SUFU: variants seen among roughly 807,000 people sequenced by gnomAD.
SUFU encodes suppressor of fused homolog.
Under a neutral mutation model 58.9 loss-of-function variants are expected in SUFU, and 7 were observed. That is an observed-to-expected ratio of 0.12 (90% CI 0.07 to 0.22). The LOEUF (loss-of-function observed/expected upper bound fraction) is 0.22, where lower values mean the gene tolerates loss of function less well. SUFU is among the 10% of genes least tolerant of loss of function. The probability of loss-of-function intolerance (pLI) is 1.00; values close to 1 mark genes in which losing one functional copy is unlikely to be tolerated. For missense variants in SUFU, 451 were observed against 641.3 expected, an observed-to-expected ratio of 0.70 and a Z score of 3.20; for synonymous variants, 232 against 254.8, an observed-to-expected ratio of 0.91 and a Z score of 0.85.
intron 2 of SUFU, among the ~76,000 whole-genome samples, chr10:102,513,169 C>A (rs1444063761): frequency 6.6e-6 from 1 of 152,102 alleles, no homozygotes; most frequent in Non-Finnish European, 1.5e-5. Context: ...TGTTAAGTTT[C>A]TTGAAGAAAA....
intron 2 of SUFU, among the ~76,000 whole-genome samples, chr10:102,529,857 A>G (rs1338221311): frequency 6.6e-6 from 1 of 151,166 alleles, no homozygotes; most frequent in Admixed American, 6.6e-5. Flanking sequence ...AGGCAGGAGA[A>G]TCGCTTGAAC....
At chr10:102,575,153 A>G (rs2063201121) in intron 3 of SUFU, among the ~76,000 whole-genome samples, 1 of 151,952 alleles carries the variant, frequency 6.6e-6, no homozygotes, top group African/African-American at 2.4e-5. Context: ...GGTTAAGGCT[A>G]CAGTGAGCCA....
rs1426839991 is a variant in SUFU at position 102,504,194 on chromosome 10, GCCCCCGGCCCCTGGCCCGACTGCC to G, written c.52_75del (p.Pro18_Ala25del). The G allele has an allele frequency of 2.2e-6, 3 of 1,337,762 alleles. No homozygotes were observed. In the African/African-American group the frequency reaches 4.5e-5, roughly 20 times the overall value. The allele number at this position is 1,337,762 out of a possible 1,614,324, so 82.9% of individuals were successfully genotyped here. A position where few individuals can be genotyped will look rare whatever the true frequency, so the allele number is the denominator to read the frequency against. ...CTAGCGGCGCCCCCGGCCCCACCGCGCCCCCGGCCCCTGGCCCGACTGCCCCCCCGGCCTTCGCTTCGCTCTTTC... is the reference window on the plus strand; with the variant it reads ...CTAGCGGCGCCCCCGGCCCCACCGCGCCCCCGGCCTTCGCTTCGCTCTTTC... On this transcript the variant is annotated inframe_deletion, in exon 1 of 12. Transcript: ENST00000369902.
chr10:102,557,334 T>C (rs572707788), intron 3 of SUFU, among the ~76,000 whole-genome samples: 10 of 151,832 alleles, frequency 6.6e-5, no homozygotes, highest in African/African-American at 2.4e-4. Context: ...TCCCAATACT[T>C]TGGGAGGCTG....
intron 2 of SUFU, among the ~76,000 whole-genome samples, chr10:102,541,967 C>T (rs1439134559): frequency 6.7e-6 from 1 of 149,296 alleles, no homozygotes; most frequent in Non-Finnish European, 1.5e-5. Context: ...TCACTGCAAC[C>T]TCTGCCTCCT....
chr10:102,599,097 C>T (rs1013284972), intron 7 of SUFU, among the ~76,000 whole-genome samples: 1 of 152,136 alleles, frequency 6.6e-6, no homozygotes, highest in African/African-American at 2.4e-5. Context: ...GCAGAATCCC[C>T]AGTAGTCAGT....
At chr10:102,524,918 G>A (rs899171083) in intron 2 of SUFU, among the ~76,000 whole-genome samples, 2 of 152,130 alleles carry the variant, frequency 1.3e-5, no homozygotes, top group East Asian at 3.9e-4. Context: ...CACTGGAGAC[G>A]GAGAATTCTC....
chr10:102,607,685 G>C (rs960759026), intron 8 of SUFU, among the ~76,000 whole-genome samples: 3 of 152,178 alleles, frequency 2.0e-5, no homozygotes, highest in Admixed American at 2.0e-4. Flanking sequence ...AGGCCAAGGC[G>C]TGCAGATCAC....
chr10:102,571,858 A>T (rs189508422), intron 3 of SUFU, among the ~76,000 whole-genome samples: 3 of 152,228 alleles, frequency 2.0e-5, no homozygotes, highest in Admixed American at 6.5e-5. Context: ...TTGTTCATAT[A>T]CAGGCTGCAT....
chr10:102,562,015 C>T (rs1468913390), intron 3 of SUFU, among the ~76,000 whole-genome samples: 1 of 152,118 alleles, frequency 6.6e-6, no homozygotes, highest in Non-Finnish European at 1.5e-5. Context: ...TCCAGGAATC[C>T]ATCCATCATG....
At chr10:102,538,518 A>T (rs1232730171) in intron 2 of SUFU, among the ~76,000 whole-genome samples, 1 of 152,150 alleles carries the variant, frequency 6.6e-6, no homozygotes, top group African/African-American at 2.4e-5. Context: ...GGAAACTACA[A>T]TTATCTTCGT....
At chr10:102,597,885 C>G (rs1364946711) in intron 7 of SUFU, among the ~76,000 whole-genome samples, 1 of 152,214 alleles carries the variant, frequency 6.6e-6, no homozygotes, top group African/African-American at 2.4e-5. Context: ...TTGGAATCTC[C>G]CTGTGCTGAT....
chr10:102,632,691 C>G lies in SUFU; in HGVS notation c.*2536C>G, dbSNP rs1256687407. ...AGTGGGTGGAGGAGGTAAGGGGCCT[C>G]CCTCCCTAAATCTGCCTCTTCTGCA... On this transcript the variant is annotated 3_prime_UTR_variant, in exon 12 of 12. Coordinates refer to ENST00000369902, the MANE Select transcript of SUFU (RefSeq NM_016169.4). 4.3e-6 allele frequency: 1 copy of G among 233,208 alleles called. No homozygotes were observed. Among genetic ancestry groups the G allele is most frequent in the South Asian group, 1.8e-4 (1 of 5,532 alleles). 14.4% of individuals were successfully genotyped at this position (233,208 alleles called of 1,614,324 possible). A position where few individuals can be genotyped will look rare whatever the true frequency, so the allele number is the denominator to read the frequency against.
intron 1 of SUFU, among the ~76,000 whole-genome samples, chr10:102,504,575 G>A (rs990534813): frequency 4.6e-5 from 7 of 151,728 alleles, no homozygotes; most frequent in African/African-American, 1.5e-4. Context: ...TGAGGACTGG[G>A]GGTGTGTGTA....
intron 3 of SUFU, among the ~76,000 whole-genome samples, chr10:102,577,084 T>G (rs1049259180): frequency 8.5e-6 from 1 of 117,820 alleles, no homozygotes; most frequent in South Asian, 2.9e-4. Context: ...TTTTTTCTTT[T>G]CTTTTTTTTT....
intron 6 of SUFU, among the ~76,000 whole-genome samples, chr10:102,596,820 G>C (rs994601786): frequency 5.3e-5 from 8 of 152,146 alleles, no homozygotes; most frequent in African/African-American, 1.9e-4. Flanking sequence ...GCGTGGCGGG[G>C]ACAGGTTTGG....
chr10:102,517,049 G>A (rs1045629999), intron 2 of SUFU, among the ~76,000 whole-genome samples: 6 of 151,518 alleles, frequency 4.0e-5, no homozygotes, highest in African/African-American at 1.5e-4. Context: ...CTTGAATCCA[G>A]GAGGTGGAGG....
intron 1 of SUFU, among the ~76,000 whole-genome samples, chr10:102,505,899 G>A (rs150805691): frequency 1.3e-3 from 199 of 152,218 alleles, no homozygotes; most frequent in Middle Eastern, 3.4e-3. Flanking sequence ...GTTGTCATGT[G>A]TCAGGAGAAA....
intron 8 of SUFU, among the ~76,000 whole-genome samples, chr10:102,601,726 C>A (rs536838303): frequency 1.3e-5 from 2 of 152,174 alleles, no homozygotes; most frequent in African/African-American, 4.8e-5. Flanking sequence ...GATCAGTGAG[C>A]GTGACGGTAA....
Sources: gnomAD v4.1 joint callset for allele counts (sites outside exome capture counted in the v4.1 genomes callset) on GRCh38, gnomAD v4.1.1 for gene constraint, MANE v1.5 for transcripts, NCBI Gene and HGNC (gene_info 2026-07-23, HGNC 2026-07-21) for gene names.